SKIC2: variants seen among roughly 807,000 people sequenced by gnomAD.
SKIC2 encodes the protein superkiller complex protein 2.
At chr6:31,961,158 G>C in the SKIC2 span, 1 of 1,610,638 alleles carries the variant, frequency 6.2e-7, no homozygotes, top group Non-Finnish European at 8.5e-7. Flanking sequence ...GAACAGAGAT[G>C]GACATGACAA....
At chr6:31,969,721 C>T in the SKIC2 span, 1 of 1,585,150 alleles carries the variant, frequency 6.3e-7, no homozygotes, top group Non-Finnish European at 8.6e-7. This position sits in a 1 kb window ranked among gnomAD's most constrained non-coding sequence, Gnocchi z 6.1. Context: ...AGTGAATGCC[C>T]CATGTAAAAA....
chr6:31,965,407 AAAAG>A, the SKIC2 span, among the ~76,000 whole-genome samples: 1 of 152,212 alleles, frequency 6.6e-6, no homozygotes, highest in Non-Finnish European at 1.5e-5. This position sits in a 1 kb window ranked among gnomAD's most constrained non-coding sequence, Gnocchi z 5.6. Context: ...TAGGTGGAGA[AAAAG>A]AAGCAAAAAA....
chr6:31,967,814 G>T, the SKIC2 span: 2 of 1,612,972 alleles, frequency 1.2e-6, no homozygotes, highest in South Asian at 1.1e-5. This position sits in a 1 kb window ranked among gnomAD's most constrained non-coding sequence, Gnocchi z 4.9. Flanking sequence ...CACTGCAGAG[G>T]TGCCCTATCC....
chr6:31,963,097 A>C, the SKIC2 span: 1 of 1,599,758 alleles, frequency 6.3e-7, no homozygotes, highest in Admixed American at 1.7e-5. The surrounding 1 kb of genome is among the most constrained non-coding windows in gnomAD (Gnocchi z 5.3). Flanking sequence ...ATTGGGTGAG[A>C]CGTGTGTCCC....
chr6:31,969,445 T>C, the SKIC2 span: 1 of 1,614,092 alleles, frequency 6.2e-7, no homozygotes. This position sits in a 1 kb window ranked among gnomAD's most constrained non-coding sequence, Gnocchi z 6.1. Context: ...TTTGGGATTT[T>C]GCAGACGGCT....
the SKIC2 span, chr6:31,961,649 C>A: frequency 2.5e-6 from 4 of 1,612,790 alleles, no homozygotes; most frequent in Admixed American, 3.3e-5. Context: ...TGATTTCTAT[C>A]GCCTCATTCC....
the SKIC2 span, chr6:31,968,012 A>G: frequency 1.2e-6 from 2 of 1,612,906 alleles, no homozygotes; most frequent in Non-Finnish European, 1.7e-6. This position sits in a 1 kb window ranked among gnomAD's most constrained non-coding sequence, Gnocchi z 6.1. Flanking sequence ...TGCCATCACC[A>G]CCAAGGTGCT....
At chr6:31,960,707 G>T in the SKIC2 span, 1 of 1,575,580 alleles carries the variant, frequency 6.3e-7, no homozygotes, top group Non-Finnish European at 8.6e-7. Context: ...GAACACACGG[G>T]AGGAGGCTGA....
the SKIC2 span, chr6:31,959,922 C>G: frequency 6.2e-6 from 6 of 962,652 alleles, no homozygotes; most frequent in Non-Finnish European, 9.9e-6. Flanking sequence ...TCTGCCATTT[C>G]TGATCTGAAC....
the SKIC2 span, chr6:31,964,247 G>C: frequency 1.2e-6 from 2 of 1,613,066 alleles, no homozygotes. The surrounding 1 kb of genome is among the most constrained non-coding windows in gnomAD (Gnocchi z 5.0). Flanking sequence ...GCACATGTCA[G>C]AGCTCCTGAA....
chr6:31,968,013 C>A, the SKIC2 span: 3 of 1,612,972 alleles, frequency 1.9e-6, no homozygotes, highest in Non-Finnish European at 2.5e-6. The surrounding 1 kb of genome is among the most constrained non-coding windows in gnomAD (Gnocchi z 6.1). Flanking sequence ...GCCATCACCA[C>A]CAAGGTGCTC....
the SKIC2 span, chr6:31,959,885 C>G: frequency 1.4e-6 from 1 of 712,930 alleles, no homozygotes; most frequent in East Asian, 2.7e-5. Context: ...TTTGGCCAAG[C>G]CTGATTGTCC....
the SKIC2 span, chr6:31,962,699 G>T: frequency 1.2e-6 from 2 of 1,611,988 alleles, no homozygotes; most frequent in African/African-American, 1.3e-5. This position sits in a 1 kb window ranked among gnomAD's most constrained non-coding sequence, Gnocchi z 5.0. Context: ...TCAATCCTTG[G>T]CCTCTTCTCC....
chr6:31,967,628 A>AT, the SKIC2 span: 2 of 1,480,284 alleles, frequency 1.4e-6, no homozygotes. The surrounding 1 kb of genome is among the most constrained non-coding windows in gnomAD (Gnocchi z 4.9). Context: ...TTGCTTCCTG[A>AT]TTCCTGCCCA....
the SKIC2 span, chr6:31,963,346 A>C: frequency 7.1e-7 from 1 of 1,417,372 alleles, no homozygotes; most frequent in South Asian, 1.4e-5. This position sits in a 1 kb window ranked among gnomAD's most constrained non-coding sequence, Gnocchi z 5.3. Context: ...GGGGTAGGGA[A>C]GGGGGTGGGG....
At chr6:31,969,427 A>G in the SKIC2 span, 10 of 1,613,826 alleles carry the variant, frequency 6.2e-6, no homozygotes, top group Admixed American at 1.5e-4. This position sits in a 1 kb window ranked among gnomAD's most constrained non-coding sequence, Gnocchi z 6.1. Context: ...CATGGTGAGT[A>G]CCTGAGGTTT....
chr6:31,960,626 C>G, the SKIC2 span: 55 of 1,583,046 alleles, frequency 3.5e-5, no homozygotes, highest in Non-Finnish European at 4.3e-5. Flanking sequence ...CTCGTATTAC[C>G]CTCATCCCAT....
chr6:31,966,086 C>T, the SKIC2 span: 65 of 956,202 alleles, frequency 6.8e-5, no homozygotes, highest in Non-Finnish European at 9.7e-5. The surrounding 1 kb of genome is among the most constrained non-coding windows in gnomAD (Gnocchi z 5.9). Context: ...ATTCTCCTCT[C>T]TTCTTTTTCT....
the SKIC2 span, among the ~76,000 whole-genome samples, chr6:31,965,432 T>C: frequency 1.0e-3 from 152 of 152,262 alleles, 2 homozygotes; most frequent in South Asian, 0.029. The surrounding 1 kb of genome is among the most constrained non-coding windows in gnomAD (Gnocchi z 5.6). Context: ...AAATCAGATA[T>C]ATAACCACTT....
Sources: allele counts gnomAD v4.1 joint callset (sites outside exome capture counted in the v4.1 genomes callset), GRCh38; gene constraint gnomAD v4.1.1; non-coding constraint Gnocchi (gnomAD v3.1); transcripts MANE v1.5; gene names NCBI Gene and HGNC (gene_info 2026-07-23, HGNC 2026-07-21).